The following MCTP1 variants were observed in gnomAD, a reference collection of about 807,000 sequenced individuals.
MCTP1 encodes the protein multiple C2 and transmembrane domain-containing protein 1.
MCTP1 carries 69 observed loss-of-function variants against 120.6 expected under a neutral mutation model. That is an observed-to-expected ratio of 0.57 (90% confidence interval 0.47 to 0.70). The LOEUF is 0.70. Among genes scored for constraint, MCTP1 ranks in the 30% least tolerant of loss-of-function variants. The probability of loss-of-function intolerance (pLI) is 0.00; values close to 1 mark genes in which losing one functional copy is unlikely to be tolerated. For missense variants in MCTP1, 1,203 were observed against 1,248.8 expected (o/e 0.96, Z 0.55); for synonymous variants, 529 against 493.1 (o/e 1.07, Z -0.96).
intron 17 of MCTP1, among the ~76,000 whole-genome samples, chr5:94,852,762 T>G (rs1794000658): frequency 6.6e-6 from 1 of 151,976 alleles, no homozygotes; most frequent in Non-Finnish European, 1.5e-5. Flanking sequence ...AAAACTAAAT[T>G]CCTATTATCA....
intron 10 of MCTP1, among the ~76,000 whole-genome samples, chr5:94,897,088 A>G (rs1804207234): frequency 6.6e-6 from 1 of 151,868 alleles, no homozygotes; most frequent in African/African-American, 2.4e-5. Flanking sequence ...ACCAGGTCTT[A>G]CTCTGTTGCC....
At chr5:95,006,228 C>T (rs1834715423) in intron 2 of MCTP1, among the ~76,000 whole-genome samples, 2 of 151,730 alleles carry the variant, frequency 1.3e-5, no homozygotes, top group Non-Finnish European at 2.9e-5. Flanking sequence ...TATTCAGAAG[C>T]TTTTATATAT....
intron 22 of MCTP1, 23 bp downstream of exon 22, chr5:94,708,477 AAATAATAGCAAT>A: frequency 7.6e-7 from 1 of 1,309,706 alleles, no homozygotes; most frequent in Non-Finnish European, 1.1e-6. Flanking sequence ...CACTACATTA[AAATAATAGCAAT>A]AATAATAACG....
intron 1 of MCTP1, among the ~76,000 whole-genome samples, chr5:95,045,565 A>T (rs536232112): frequency 3.3e-4 from 50 of 152,290 alleles, no homozygotes; most frequent in Non-Finnish European, 5.7e-4. Flanking sequence ...ACAAAAGCCT[A>T]GGCAATTGGT....
At chr5:95,003,387 C>CTA (rs149982169) in intron 2 of MCTP1, among the ~76,000 whole-genome samples, 1,878 of 152,254 alleles carry the variant, frequency 0.012, 16 homozygotes, top group Middle Eastern at 0.031. Flanking sequence ...GAGCAATGGG[C>CTA]TATAGCATAT....
chr5:95,033,533 C>T (rs1179420519), intron 1 of MCTP1, among the ~76,000 whole-genome samples: 2 of 152,128 alleles, frequency 1.3e-5, no homozygotes, highest in East Asian at 3.9e-4. Flanking sequence ...AACATTTTTT[C>T]ATGATAAAAA....
intron 19 of MCTP1, among the ~76,000 whole-genome samples, chr5:94,761,560 C>T (rs1340452945): frequency 6.6e-6 from 1 of 152,170 alleles, no homozygotes; most frequent in East Asian, 1.9e-4. Flanking sequence ...TAATCCAGTA[C>T]CATGTGCTGA....
intron 15 of MCTP1, 133 bp from the exon 16 acceptor site, chr5:94,870,624 T>C (rs1429760302): frequency 2.7e-6 from 2 of 735,598 alleles, no homozygotes; most frequent in Non-Finnish European, 2.3e-6. Flanking sequence ...TATAAATGTA[T>C]ACAGTTGCAC....
intron 1 of MCTP1, among the ~76,000 whole-genome samples, chr5:95,037,785 G>A (rs1009951810): frequency 3.3e-5 from 5 of 152,094 alleles, no homozygotes; most frequent in East Asian, 1.9e-4. Flanking sequence ...AGGGAGAATC[G>A]CGTGAACCCA....
chr5:94,925,866 T>C (rs1175312591), intron 6 of MCTP1, among the ~76,000 whole-genome samples: 2 of 152,236 alleles, frequency 1.3e-5, no homozygotes, highest in Non-Finnish European at 2.9e-5. Context: ...ATAAGAGTAG[T>C]AAGATGCATT....
At chr5:94,726,792 G>GCAAC (rs1240654120) in intron 19 of MCTP1, among the ~76,000 whole-genome samples, 2 of 152,270 alleles carry the variant, frequency 1.3e-5, no homozygotes, top group Non-Finnish European at 2.9e-5. Flanking sequence ...CATGTCTCAT[G>GCAAC]GTTGAAATTG....
chr5:95,252,839 A>G (rs1209065095), intron 1 of MCTP1, among the ~76,000 whole-genome samples: 2 of 152,144 alleles, frequency 1.3e-5, no homozygotes, highest in African/African-American at 4.8e-5. Flanking sequence ...GATAGGGCAG[A>G]GCAAGCTAAA....
chr5:95,262,235 C>T (rs1329675660), intron 1 of MCTP1, among the ~76,000 whole-genome samples: 1 of 152,182 alleles, frequency 6.6e-6, no homozygotes, highest in Non-Finnish European at 1.5e-5. Context: ...TCTTGAAAAT[C>T]AATCCTACAA....
At chr5:94,718,362 C>T (rs1485675871) in intron 19 of MCTP1, among the ~76,000 whole-genome samples, 1 of 151,998 alleles carries the variant, frequency 6.6e-6, no homozygotes, top group Non-Finnish European at 1.5e-5. Context: ...TCAAGATGGA[C>T]TAAAGACTTA....
At chr5:94,777,624 G>A (rs1775660565) in intron 19 of MCTP1, among the ~76,000 whole-genome samples, 1 of 152,080 alleles carries the variant, frequency 6.6e-6, no homozygotes, top group Non-Finnish European at 1.5e-5. Context: ...TAAATGGATG[G>A]CAGCTCAGTG....
intron 1 of MCTP1, among the ~76,000 whole-genome samples, chr5:95,058,311 G>T (rs75902907): frequency 0.054 from 8,146 of 152,254 alleles, 344 homozygotes; most frequent in African/African-American, 0.11. Context: ...TTGCATAGAT[G>T]TTTAAAACAT....
At chr5:94,812,947 C>T (rs992322081) in intron 17 of MCTP1, among the ~76,000 whole-genome samples, 6 of 150,922 alleles carry the variant, frequency 4.0e-5, no homozygotes, top group Admixed American at 2.6e-4. Context: ...TGTGTGTGTG[C>T]GTGCGTGTAT....
chr5:95,084,651 C>T (rs977682512), intron 1 of MCTP1, among the ~76,000 whole-genome samples: 2 of 151,644 alleles, frequency 1.3e-5, no homozygotes, highest in Non-Finnish European at 2.9e-5. Flanking sequence ...TAATAATATG[C>T]TTTACATTAA....
intron 1 of MCTP1, among the ~76,000 whole-genome samples, chr5:95,111,407 AG>A (rs1757442676): frequency 6.6e-6 from 1 of 152,208 alleles, no homozygotes; most frequent in Non-Finnish European, 1.5e-5. Context: ...TAAATGAATA[AG>A]TACAGAGTCT....
Sources: gnomAD v4.1 joint callset for allele counts (sites outside exome capture counted in the v4.1 genomes callset) on GRCh38, gnomAD v4.1.1 for gene constraint, MANE v1.5 for transcripts, NCBI Gene and HGNC (gene_info 2026-07-23, HGNC 2026-07-21) for gene names.